Variants in ADAM12 observed in about 807,000 individuals in gnomAD.
ADAM12 encodes the protein ADAM metallopeptidase domain 12.
Under a neutral mutation model 106.4 loss-of-function variants are expected in ADAM12, and 70 were observed. The observed-to-expected ratio is 0.66, with a 90% CI of 0.54 to 0.80. The LOEUF (loss-of-function observed/expected upper bound fraction) is 0.80. Among genes scored for constraint, ADAM12 ranks in the 30% least tolerant of loss-of-function variants. The pLI is 0.00. For missense variants in ADAM12, 1,010 were observed against 1,171.9 expected, an observed-to-expected ratio of 0.86 and a Z score of 2.02; for synonymous variants, 420 against 433.5, an observed-to-expected ratio of 0.97 and a Z score of 0.39.
At chr10:126,343,158 C>G (rs1206213236) in intron 1 of ADAM12, among the ~76,000 whole-genome samples, 2 of 151,562 alleles carry the variant, frequency 1.3e-5, no homozygotes, top group Non-Finnish European at 2.9e-5. Context: ...GGGTATACCT[C>G]CTAATGCTAT....
chr10:126,168,038 G>GTC (rs1476746613), intron 3 of ADAM12, among the ~76,000 whole-genome samples: 1 of 152,170 alleles, frequency 6.6e-6, no homozygotes, highest in African/African-American at 2.4e-5. Flanking sequence ...CTCCCTTCCT[G>GTC]TCCCAGAAAA....
At chr10:126,167,329 T>C (rs1055876207) in intron 3 of ADAM12, among the ~76,000 whole-genome samples, 1 of 152,250 alleles carries the variant, frequency 6.6e-6, no homozygotes, top group Non-Finnish European at 1.5e-5. Flanking sequence ...GCTATACTTA[T>C]ACAACTTCTA....
intron 3 of ADAM12, among the ~76,000 whole-genome samples, chr10:126,183,156 C>G (rs1325995194): frequency 2.6e-5 from 4 of 152,180 alleles, no homozygotes; most frequent in Non-Finnish European, 4.4e-5. Context: ...CCATCACCCC[C>G]AGATGGGACC....
chr10:126,121,055 T>G (rs1455780342), intron 5 of ADAM12, among the ~76,000 whole-genome samples: 1 of 115,182 alleles, frequency 8.7e-6, no homozygotes, highest in African/African-American at 3.4e-5. Flanking sequence ...ATATATTATA[T>G]GCAATATAAT....
At chr10:126,024,542 T>A (rs1953832477) in intron 21 of ADAM12, among the ~76,000 whole-genome samples, 1 of 152,172 alleles carries the variant, frequency 6.6e-6, no homozygotes, top group Admixed American at 6.5e-5. Flanking sequence ...AGAGGAAAGT[T>A]CTTAATAATA....
intron 11 of ADAM12, among the ~76,000 whole-genome samples, chr10:126,083,023 G>A (rs1003201021): frequency 7.2e-5 from 11 of 152,232 alleles, no homozygotes; most frequent in South Asian, 2.1e-4. Flanking sequence ...AGGCCAGGGC[G>A]GTGGCATTTG....
chr10:126,344,783 C>T (rs1855070547), intron 1 of ADAM12, among the ~76,000 whole-genome samples: 1 of 152,104 alleles, frequency 6.6e-6, no homozygotes, highest in African/African-American at 2.4e-5. Context: ...CTCTTTGAAG[C>T]AATTGTGAAT....
At chr10:126,340,720 GTT>G (rs34179311) in intron 1 of ADAM12, among the ~76,000 whole-genome samples, 2 of 138,820 alleles carry the variant, frequency 1.4e-5, no homozygotes, top group Admixed American at 7.2e-5. Flanking sequence ...CTCGTGGCCT[GTT>G]TTTTTTTTTT....
intron 3 of ADAM12, among the ~76,000 whole-genome samples, chr10:126,182,984 T>A (rs1478084860): frequency 6.6e-6 from 1 of 152,118 alleles, no homozygotes; most frequent in South Asian, 2.1e-4. Flanking sequence ...TTACAGCCAC[T>A]CCTCATTGCT....
At chr10:126,306,652 G>T (rs990408479) in intron 2 of ADAM12, among the ~76,000 whole-genome samples, 1 of 152,080 alleles carries the variant, frequency 6.6e-6, no homozygotes, top group African/African-American at 2.4e-5. Flanking sequence ...TTTGAATTCT[G>T]CATTGGCAGT....
intron 14 of ADAM12, among the ~76,000 whole-genome samples, chr10:126,050,893 A>G (rs1261804722): frequency 6.6e-6 from 1 of 152,122 alleles, no homozygotes; most frequent in African/African-American, 2.4e-5. Context: ...ATGTTAGAGA[A>G]GCCTCTGCAA....
chr10:126,170,428 A>T (rs1481922777), intron 3 of ADAM12, among the ~76,000 whole-genome samples: 1 of 117,296 alleles, frequency 8.5e-6, no homozygotes, highest in South Asian at 2.5e-4. Flanking sequence ...TTTTTCCTTT[A>T]AAAAAAAAAA....
intron 3 of ADAM12, among the ~76,000 whole-genome samples, chr10:126,185,448 G>C (rs1957383572): frequency 6.6e-6 from 1 of 151,854 alleles, no homozygotes; most frequent in African/African-American, 2.4e-5. Flanking sequence ...AAGAGTCAAG[G>C]GTTGCTGGAA....
intron 1 of ADAM12, among the ~76,000 whole-genome samples, chr10:126,374,739 C>G (rs1316287581): frequency 1.3e-5 from 2 of 152,044 alleles, no homozygotes; most frequent in Admixed American, 6.6e-5. Context: ...CTACATATAA[C>G]AAAAGTTCCA....
At chr10:126,051,556 T>TCCAGCCAGCCAGCCAG (rs1954494344) in intron 14 of ADAM12, among the ~76,000 whole-genome samples, 1 of 100,990 alleles carries the variant, frequency 9.9e-6, no homozygotes. Context: ...CATCCATCCA[T>TCCAGCCAGCCAGCCAG]CCATCCATCC....
intron 1 of ADAM12, among the ~76,000 whole-genome samples, 185 bp downstream of exon 1, chr10:126,387,873 C>T (rs1208356768): frequency 7.0e-5 from 10 of 142,380 alleles, no homozygotes; most frequent in Non-Finnish European, 1.2e-4. Flanking sequence ...TCGCCCTTCC[C>T]CAAGGAATTG....
intron 3 of ADAM12, among the ~76,000 whole-genome samples, chr10:126,183,366 G>A (rs1246873760): frequency 6.6e-6 from 1 of 152,188 alleles, no homozygotes; most frequent in Admixed American, 6.5e-5. Context: ...GGTCCCTGGT[G>A]CTAGAAGGGT....
chr10:126,121,137 AC>A (rs1590444483), intron 5 of ADAM12, among the ~76,000 whole-genome samples: 5 of 28,610 alleles, frequency 1.7e-4, no homozygotes, highest in East Asian at 1.5e-3. Flanking sequence ...TATACTATAT[AC>A]TATATATACT....
chr10:126,092,815 G>C (rs11244807), intron 11 of ADAM12, among the ~76,000 whole-genome samples: 13,415 of 152,264 alleles, frequency 0.088, 1,415 homozygotes, highest in African/African-American at 0.24. Flanking sequence ...TCCCATGAAA[G>C]GACAATCCCC....
Sources: gnomAD v4.1 joint callset for allele counts (sites outside exome capture counted in the v4.1 genomes callset) on GRCh38, gnomAD v4.1.1 for gene constraint, MANE v1.5 for transcripts, NCBI Gene and HGNC (gene_info 2026-07-23, HGNC 2026-07-21) for gene names.